KCTD16: variants seen among roughly 807,000 people sequenced by gnomAD.
KCTD16 encodes the protein BTB/POZ domain-containing protein KCTD16.
Under a neutral mutation model 33.2 loss-of-function variants are expected in KCTD16, and 13 were observed. The observed-to-expected ratio is 0.39, with a 90% confidence interval of 0.25 to 0.62. KCTD16 has a LOEUF of 0.62. Ranked by LOEUF, KCTD16 falls within the 20% of genes least tolerant of loss-of-function variation. The pLI, the probability that KCTD16 is intolerant of heterozygous loss-of-function variation, is 0.50. For synonymous variants in KCTD16, 197 were observed against 195.3 expected (o/e 1.01, Z -0.07); for missense variants, 441 against 525.1 (o/e 0.84, Z 1.57).
chr5:144,281,741 A>T (rs1194042495), intron 3 of KCTD16, among the ~76,000 whole-genome samples: 1 of 151,916 alleles, frequency 6.6e-6, no homozygotes. Flanking sequence ...ATTCTTGTTG[A>T]TTTTCTTTCT....
chr5:144,394,448 T>C (rs776109782), intron 3 of KCTD16, among the ~76,000 whole-genome samples: 1 of 152,242 alleles, frequency 6.6e-6, no homozygotes, highest in Non-Finnish European at 1.5e-5. Flanking sequence ...TGAATCATTG[T>C]GTTGCCATAG....
chr5:144,309,095 A>G (rs1217575692), intron 3 of KCTD16, among the ~76,000 whole-genome samples: 2 of 152,190 alleles, frequency 1.3e-5, no homozygotes, highest in Non-Finnish European at 2.9e-5. Context: ...GAACTATCAC[A>G]TTTCTCATCA....
Position 144,403,570 on chromosome 5 carries a change from A to ATCTG in KCTD16, c.833-70090_833-70089insTCTG, listed in dbSNP as rs1433711839. ...AGATTCTCCCTCTGAGGCTGCCAAG[A>ATCTG]AGGAACCACCCTGGTGATGCACTGG... On this transcript the variant is annotated intron_variant, in intron 3 of 3. Transcript: ENST00000512467. Among the ~76,000 whole-genome samples the ATCTG allele has an allele frequency of 3.5e-4, 53 of 152,324 alleles. 1 individual carries two copies. The highest frequency in any genetic ancestry group is 6.8e-3 in the Middle Eastern group (2 of 294).
At chr5:144,244,536 C>A (rs773547527) in intron 3 of KCTD16, among the ~76,000 whole-genome samples, 1 of 152,142 alleles carries the variant, frequency 6.6e-6, no homozygotes, top group Non-Finnish European at 1.5e-5. Context: ...AACTGTTTTT[C>A]TTTTCATTTT....
chr5:144,409,804 C>A (rs1283305044), intron 3 of KCTD16, among the ~76,000 whole-genome samples: 1 of 151,702 alleles, frequency 6.6e-6, no homozygotes, highest in Non-Finnish European at 1.5e-5. Flanking sequence ...GCAACGAGAC[C>A]GAAACTCTGT....
At chr5:144,302,799 G>A (rs915355056) in intron 3 of KCTD16, among the ~76,000 whole-genome samples, 3 of 152,202 alleles carry the variant, frequency 2.0e-5, no homozygotes, top group Non-Finnish European at 4.4e-5. Flanking sequence ...ACAGTTGTAT[G>A]TGATGAAAAC....
In KCTD16 at chr5:144,207,220, G is replaced by T. The variant is rs746212035; in HGVS notation, c.506G>T (p.Gly169Val). Residue 169 changes from glycine to valine, a missense_variant, in exon 3 of 4, where the codon GGT becomes GTT. Transcript: ENST00000512467. ...ADRKWGFITV[G>V]YRGSCTLGRE... is the part of the protein sequence containing the mutation. ...CGCAAGTGGGGTTTCATTACTGTGG[G>T]TTACAGAGGATCCTGCACCTTGGGC... is the stretch of plus-strand genomic sequence containing the variant. The T allele has an allele frequency of 1.2e-6, 2 of 1,614,006 alleles. No homozygotes were observed. Among genetic ancestry groups the T allele is most frequent in the South Asian group, 2.2e-5 (2 of 91,066 alleles).
At chr5:144,464,225 A>G (rs1580984498) in intron 3 of KCTD16, among the ~76,000 whole-genome samples, 1 of 152,204 alleles carries the variant, frequency 6.6e-6, no homozygotes, top group East Asian at 1.9e-4. Flanking sequence ...AAGTGATGGA[A>G]CAAGCACTAA....
chr5:144,265,246 A>G (rs1755112235), intron 3 of KCTD16, among the ~76,000 whole-genome samples: 1 of 152,172 alleles, frequency 6.6e-6, no homozygotes, highest in Non-Finnish European at 1.5e-5. Flanking sequence ...TAATATTATT[A>G]CCTTAATCAC....
At chr5:144,373,312 T>C (rs1028329314) in intron 3 of KCTD16, among the ~76,000 whole-genome samples, 2 of 152,180 alleles carry the variant, frequency 1.3e-5, no homozygotes, top group Non-Finnish European at 2.9e-5. Flanking sequence ...GACCCTGCTA[T>C]GAGGGGTGGT....
intron 3 of KCTD16, among the ~76,000 whole-genome samples, chr5:144,421,009 A>G (rs1561602277): frequency 6.6e-6 from 1 of 152,192 alleles, no homozygotes; most frequent in Non-Finnish European, 1.5e-5. Context: ...TAGTATCTCA[A>G]GCATCTTTCT....
At chr5:144,367,502 T>A (rs79851107) in intron 3 of KCTD16, among the ~76,000 whole-genome samples, 4,059 of 152,210 alleles carry the variant, frequency 0.027, 83 homozygotes, top group African/African-American at 0.044. Context: ...AAGAGAACCA[T>A]GAATAAGAGA....
At chr5:144,444,105 T>C (rs1015828257) in intron 3 of KCTD16, among the ~76,000 whole-genome samples, 1 of 152,092 alleles carries the variant, frequency 6.6e-6, no homozygotes, top group Non-Finnish European at 1.5e-5. Flanking sequence ...AACAACAATA[T>C]TCGTGCTAGG....
chr5:144,325,622 C>G (rs1049997295), intron 3 of KCTD16, among the ~76,000 whole-genome samples: 2 of 152,046 alleles, frequency 1.3e-5, no homozygotes, highest in African/African-American at 4.8e-5. Flanking sequence ...TCCTTTCGGC[C>G]TAGCTATTTA....
intron 3 of KCTD16, among the ~76,000 whole-genome samples, chr5:144,390,883 A>T (rs1399039168): frequency 6.6e-6 from 1 of 152,056 alleles, no homozygotes; most frequent in Non-Finnish European, 1.5e-5. Flanking sequence ...GGCTGCCGAG[A>T]AGTGATTTTT....
chr5:144,468,237 A>T (rs1273008130), intron 3 of KCTD16, among the ~76,000 whole-genome samples: 2 of 152,144 alleles, frequency 1.3e-5, no homozygotes, highest in Non-Finnish European at 2.9e-5. Context: ...AGACTTAAGG[A>T]TGGTAGCCAC....
chr5:144,266,738 AT>A (rs1755151894), intron 3 of KCTD16, among the ~76,000 whole-genome samples: 3 of 152,182 alleles, frequency 2.0e-5, no homozygotes, highest in African/African-American at 7.2e-5. Flanking sequence ...TTAATAGGCA[AT>A]GTGCACAAAG....
intron 3 of KCTD16, among the ~76,000 whole-genome samples, chr5:144,273,388 A>G (rs1031255238): frequency 6.6e-6 from 1 of 152,170 alleles, no homozygotes; most frequent in Non-Finnish European, 1.5e-5. Flanking sequence ...AATGCAAAAG[A>G]GTACAGCTGT....
At chr5:144,408,030 A>G (rs963793315) in intron 3 of KCTD16, among the ~76,000 whole-genome samples, 2 of 152,192 alleles carry the variant, frequency 1.3e-5, no homozygotes, top group African/African-American at 2.4e-5. Context: ...TTATAGTAGA[A>G]GGATTTATAA....
Sources: allele counts gnomAD v4.1 joint callset (sites outside exome capture counted in the v4.1 genomes callset), GRCh38; gene constraint gnomAD v4.1.1; transcripts MANE v1.5; gene names NCBI Gene and HGNC (gene_info 2026-07-23, HGNC 2026-07-21).